RIT2: variants seen among roughly 807,000 people sequenced by gnomAD.
RIT2 encodes the protein GTP-binding protein Rit2.
A neutral mutation model predicts 23.7 loss-of-function variants in RIT2; 24 were observed. The observed-to-expected ratio is 1.01, with a 90% CI of 0.73 to 1.43. The LOEUF is 1.43. Ranked by LOEUF, RIT2 falls within the 40% of genes most tolerant of loss-of-function variation. The probability of loss-of-function intolerance (pLI) is 0.00; values close to 1 mark genes in which losing one functional copy is unlikely to be tolerated. For synonymous variants in RIT2, 107 were observed against 91.1 expected (o/e 1.17, Z -0.99); for missense variants, 236 against 266.9 (o/e 0.88, Z 0.81).
At chr18:42,966,278 G>T (rs941501468) in intron 3 of RIT2, among the ~76,000 whole-genome samples, 4 of 152,138 alleles carry the variant, frequency 2.6e-5, no homozygotes, top group African/African-American at 7.2e-5. Flanking sequence ...AAAATGAAAT[G>T]CTGAAGGAAA....
chr18:42,743,630 C>T lies in RIT2; in HGVS notation c.517G>A (p.Ala173Thr), dbSNP rs1182424588. ...ATTTCCCTCACTAAGCCATGAAAAG[C>T]ATCATCAATACAGAATCTGAGGGCT... Reference protein sequence around the residue: ...SAALRFCIDDAFHGLVREIRK... With the variant: ...SAALRFCIDDTFHGLVREIRK... The change falls in exon 5 of 5, where the codon GCT becomes ACT. Residue 173 changes from alanine (A) to threonine (T), a missense_variant. By Grantham distance (58) the Ala-to-Thr change is moderately conservative. Transcript: ENST00000326695. 6.2e-7 allele frequency: 1 copy of T among 1,614,024 alleles called. No individual in the cohort carries two copies. The highest frequency in any genetic ancestry group is 8.5e-7 in the Non-Finnish European group (1 of 1,179,976).
intron 3 of RIT2, among the ~76,000 whole-genome samples, chr18:42,937,024 AAAG>A (rs1210000887): frequency 6.6e-6 from 1 of 152,042 alleles, no homozygotes; most frequent in Admixed American, 6.6e-5. Flanking sequence ...AAAAAAAAAA[AAAG>A]GAGAGAGAGA....
intron 4 of RIT2, among the ~76,000 whole-genome samples, chr18:42,793,225 C>T (rs1356348720): frequency 3.9e-5 from 6 of 152,050 alleles, no homozygotes; most frequent in Admixed American, 2.0e-4. Context: ...AATAAAATTT[C>T]ATCTTTTGAG....
intron 4 of RIT2, among the ~76,000 whole-genome samples, chr18:42,841,938 A>C (rs1375576789): frequency 6.6e-6 from 1 of 152,220 alleles, no homozygotes; most frequent in Non-Finnish European, 1.5e-5. Flanking sequence ...CACATTCTGC[A>C]TCCTGCATTC....
rs1019937088 is a variant in RIT2, at chr18:42,827,404, C to T, written c.427-83684G>A. Among the ~76,000 whole-genome samples the T allele has an allele frequency of 6.6e-5, 10 of 152,108 alleles. No homozygotes were observed. The Middle Eastern group carries it at 0.01, about 155-fold the overall frequency. On this transcript the variant is annotated intron_variant, in intron 4 of 4. Coordinates refer to ENST00000326695, the MANE Select transcript of RIT2 (RefSeq NM_002930.4). ...ACTTAAAGACCTCAGGGTAGTAAAA[C>T]ATTTCTTAAATCAGGCTCAAAAGGC...
intron 4 of RIT2, among the ~76,000 whole-genome samples, chr18:42,838,152 T>C (rs562863995): frequency 2.8e-4 from 43 of 152,308 alleles, no homozygotes; most frequent in Admixed American, 2.8e-3. Context: ...TATTGCTTTT[T>C]CATTTCTCCA....
intron 3 of RIT2, among the ~76,000 whole-genome samples, chr18:42,930,544 GAATTAAATTA>G (rs558810961): frequency 7.2e-5 from 11 of 152,044 alleles, no homozygotes; most frequent in Admixed American, 7.2e-4. Context: ...AGGAAAGAAA[GAATTAAATTA>G]AATTAAATTA....
chr18:42,777,272 C>T (rs1913694104), intron 4 of RIT2, among the ~76,000 whole-genome samples: 1 of 122,462 alleles, frequency 8.2e-6, no homozygotes, highest in Non-Finnish European at 1.7e-5. Flanking sequence ...ATTGGAAACA[C>T]ATGTCTGGAC....
At chr18:42,982,353 A>G (rs1239840613) in intron 2 of RIT2, among the ~76,000 whole-genome samples, 1 of 152,144 alleles carries the variant, frequency 6.6e-6, no homozygotes, top group African/African-American at 2.4e-5. Flanking sequence ...GCCAACGTTG[A>G]TGGCAAATCT....
intron 1 of RIT2, among the ~76,000 whole-genome samples, chr18:43,048,299 T>C (rs949308582): frequency 6.6e-6 from 1 of 152,166 alleles, no homozygotes; most frequent in Non-Finnish European, 1.5e-5. Flanking sequence ...TCATTAAAAA[T>C]TGGTGACTGG....
chr18:42,977,414 T>C (rs1166234253), intron 2 of RIT2, among the ~76,000 whole-genome samples: 1 of 152,066 alleles, frequency 6.6e-6, no homozygotes, highest in East Asian at 1.9e-4. Context: ...TTTTAAAACA[T>C]CATCGGATTT....
chr18:42,911,426 A>T (rs2144119214), intron 4 of RIT2, among the ~76,000 whole-genome samples: 1 of 152,094 alleles, frequency 6.6e-6, no homozygotes, highest in African/African-American at 2.4e-5. Context: ...TTTTAGCAAG[A>T]TTGACAGACA....
intron 1 of RIT2, among the ~76,000 whole-genome samples, chr18:43,041,857 G>A (rs950088412): frequency 6.6e-6 from 1 of 151,972 alleles, no homozygotes. Flanking sequence ...AATGTCAGTG[G>A]TATTTGGCCA....
At chr18:42,799,159 C>G (rs1273970255) in intron 4 of RIT2, among the ~76,000 whole-genome samples, 4 of 152,070 alleles carry the variant, frequency 2.6e-5, no homozygotes, top group African/African-American at 7.2e-5. Flanking sequence ...GTAGAAAGAG[C>G]CAAATGAAAT....
At chr18:42,755,405 C>G (rs1186664371) in intron 4 of RIT2, among the ~76,000 whole-genome samples, 1 of 152,120 alleles carries the variant, frequency 6.6e-6, no homozygotes, top group African/African-American at 2.4e-5. Flanking sequence ...TGCTCCCCTA[C>G]AGGTCTCCTC....
At chr18:42,782,328 T>C (rs1913829630) in intron 4 of RIT2, among the ~76,000 whole-genome samples, 1 of 152,162 alleles carries the variant, frequency 6.6e-6, no homozygotes, top group African/African-American at 2.4e-5. Context: ...TTATATAATA[T>C]GTTATTTGGC....
intron 4 of RIT2, among the ~76,000 whole-genome samples, chr18:42,763,687 A>C (rs1317118604): frequency 6.6e-6 from 1 of 152,134 alleles, no homozygotes; most frequent in Non-Finnish European, 1.5e-5. Context: ...GCTGACTGTA[A>C]CTTTGTTGAT....
intron 2 of RIT2, among the ~76,000 whole-genome samples, chr18:43,016,250 T>C (rs1481061669): frequency 2.0e-5 from 3 of 151,876 alleles, no homozygotes; most frequent in African/African-American, 4.8e-5. Flanking sequence ...AATAGAAAGA[T>C]AAAATAAATT....
chr18:43,032,751 C>G (rs1410252873), intron 2 of RIT2, among the ~76,000 whole-genome samples: 1 of 152,032 alleles, frequency 6.6e-6, no homozygotes, highest in Non-Finnish European at 1.5e-5. Context: ...AATAAATAAT[C>G]AGACATTTAA....
Sources: gnomAD v4.1 joint callset for allele counts (sites outside exome capture counted in the v4.1 genomes callset) on GRCh38, gnomAD v4.1.1 for gene constraint, MANE v1.5 for transcripts, NCBI Gene and HGNC (gene_info 2026-07-23, HGNC 2026-07-21) for gene names.